CSGALNACT1: variants seen among roughly 807,000 people sequenced by gnomAD.
CSGALNACT1 encodes the protein chondroitin sulfate N-acetylgalactosaminyltransferase 1, also known as beta4GalNAcT-1.
Under a neutral mutation model 51.0 loss-of-function variants are expected in CSGALNACT1, and 52 were observed. That is an observed-to-expected ratio of 1.02 (90% CI 0.82 to 1.29). The LOEUF (loss-of-function observed/expected upper bound fraction) is 1.29, where lower values mean the gene tolerates loss of function less well. Among genes scored for constraint, CSGALNACT1 ranks in the 50% most tolerant of loss-of-function variants. CSGALNACT1 has a pLI of 0.00. For missense variants in CSGALNACT1, 935 were observed against 679.2 expected, an observed-to-expected ratio of 1.38 and a Z score of -4.19; for synonymous variants, 341 against 254.4, an observed-to-expected ratio of 1.34 and a Z score of -3.24.
intron 4 of CSGALNACT1, among the ~76,000 whole-genome samples, chr8:19,475,776 T>C (rs767582289): frequency 9.9e-5 from 15 of 152,236 alleles, no homozygotes; most frequent in Non-Finnish European, 2.1e-4. Context: ...TAAACTCCTG[T>C]GTTGTGGCAA....
chr8:19,455,102 AT>A (rs2063844395), intron 5 of CSGALNACT1, among the ~76,000 whole-genome samples: 1 of 152,222 alleles, frequency 6.6e-6, no homozygotes, highest in South Asian at 2.1e-4. Flanking sequence ...ATAAGGGTTA[AT>A]TCTAGGAGGT....
At chr8:19,542,518 A>G (rs1256057508) in intron 3 of CSGALNACT1, among the ~76,000 whole-genome samples, 1 of 151,800 alleles carries the variant, frequency 6.6e-6, no homozygotes, top group African/African-American at 2.4e-5. Flanking sequence ...TGCTGCCCCG[A>G]CTCTTTTCAA....
chr8:19,515,493 G>A (rs906623683), intron 3 of CSGALNACT1, among the ~76,000 whole-genome samples: 2 of 152,120 alleles, frequency 1.3e-5, no homozygotes, highest in South Asian at 4.1e-4. Flanking sequence ...CTCCTCGTTG[G>A]TCTTTTAAAA....
chr8:19,500,352 G>T (rs1248501702), intron 4 of CSGALNACT1, among the ~76,000 whole-genome samples: 1 of 152,084 alleles, frequency 6.6e-6, no homozygotes, highest in Non-Finnish European at 1.5e-5. Flanking sequence ...CACCACTAAG[G>T]AGAATCCCCA....
At chr8:19,456,541 T>C (rs1394703342) in intron 5 of CSGALNACT1, among the ~76,000 whole-genome samples, 3 of 152,216 alleles carry the variant, frequency 2.0e-5, no homozygotes, top group Non-Finnish European at 4.4e-5. Context: ...ATTCTGGAGA[T>C]GTAATGTTTA....
chr8:19,598,887 C>T (rs1383834947), intron 2 of CSGALNACT1, among the ~76,000 whole-genome samples: 1 of 152,214 alleles, frequency 6.6e-6, no homozygotes, highest in Non-Finnish European at 1.5e-5. Context: ...CATTCATTCA[C>T]TCGCTCATTC....
At chr8:19,627,657 G>A (rs898739454) in intron 1 of CSGALNACT1, among the ~76,000 whole-genome samples, 1 of 152,046 alleles carries the variant, frequency 6.6e-6, no homozygotes. Context: ...GACCTGTCTC[G>A]AAAAACGTAA....
At chr8:19,504,811 T>C (rs1272082297) in intron 4 of CSGALNACT1, among the ~76,000 whole-genome samples, 1 of 152,216 alleles carries the variant, frequency 6.6e-6, no homozygotes, top group East Asian at 1.9e-4. Flanking sequence ...GGCTGGCACA[T>C]GTAAGTGCAA....
chr8:19,421,316 C>A (rs2057891410), intron 6 of CSGALNACT1, among the ~76,000 whole-genome samples: 1 of 152,218 alleles, frequency 6.6e-6, no homozygotes, highest in Non-Finnish European at 1.5e-5. Context: ...GGCAGTGAAG[C>A]CAGGATGTTT....
At chr8:19,736,751 C>T (rs1004966414) in intron 1 of CSGALNACT1, among the ~76,000 whole-genome samples, 1 of 152,058 alleles carries the variant, frequency 6.6e-6, no homozygotes, top group African/African-American at 2.4e-5. Flanking sequence ...GAAATATGAA[C>T]TAGATTTAAG....
At chr8:19,481,008 G>A (rs1342199356) in intron 4 of CSGALNACT1, among the ~76,000 whole-genome samples, 1 of 152,062 alleles carries the variant, frequency 6.6e-6, no homozygotes, top group Non-Finnish European at 1.5e-5. Flanking sequence ...AATTGCATGA[G>A]GTCATCTGCC....
At chr8:19,485,094 C>T (rs1480676482) in intron 4 of CSGALNACT1, among the ~76,000 whole-genome samples, 1 of 152,176 alleles carries the variant, frequency 6.6e-6, no homozygotes, top group East Asian at 1.9e-4. Flanking sequence ...CAGCCCAAGT[C>T]ATATAATACA....
At chr8:19,717,122 G>A (rs376785327) in intron 1 of CSGALNACT1, among the ~76,000 whole-genome samples, 1 of 152,202 alleles carries the variant, frequency 6.6e-6, no homozygotes, top group African/African-American at 2.4e-5. Flanking sequence ...TTAGTTTCTT[G>A]TAAAATTATC....
chr8:19,602,812 T>C (rs2050732497), upstream of CSGALNACT1: 1 of 152,088 alleles, frequency 6.6e-6, no homozygotes, highest in South Asian at 2.1e-4. Context: ...GGGAAAATAC[T>C]CTGGAAAGGG....
chr8:19,480,584 G>A (rs1413811677), intron 4 of CSGALNACT1, among the ~76,000 whole-genome samples: 1 of 152,162 alleles, frequency 6.6e-6, no homozygotes, highest in African/African-American at 2.4e-5. Flanking sequence ...ACATATGGGT[G>A]CCTGCGTCTT....
chr8:19,671,362 T>A (rs772380168), intron 1 of CSGALNACT1, among the ~76,000 whole-genome samples: 1 of 152,202 alleles, frequency 6.6e-6, no homozygotes, highest in Non-Finnish European at 1.5e-5. Context: ...ACACGACAAA[T>A]TCACAGGCAA....
intron 1 of CSGALNACT1, among the ~76,000 whole-genome samples, chr8:19,666,352 T>G (rs960866871): frequency 3.9e-5 from 6 of 152,180 alleles, no homozygotes; most frequent in African/African-American, 1.2e-4. Flanking sequence ...AAACCCTGTC[T>G]CTTCTACTTC....
chr8:19,546,291 T>C (rs1192213735), intron 3 of CSGALNACT1, among the ~76,000 whole-genome samples: 1 of 152,208 alleles, frequency 6.6e-6, no homozygotes, highest in Non-Finnish European at 1.5e-5. Context: ...CTTTCATATA[T>C]GCCTAGAGGG....
intron 1 of CSGALNACT1, among the ~76,000 whole-genome samples, chr8:19,660,531 A>C (rs1176769309): frequency 6.6e-6 from 1 of 152,182 alleles, no homozygotes; most frequent in East Asian, 1.9e-4. Flanking sequence ...GCTTTGCCGT[A>C]GCCAGGTGAT....
Sources: allele counts gnomAD v4.1 joint callset (sites outside exome capture counted in the v4.1 genomes callset), GRCh38; gene constraint gnomAD v4.1.1; transcripts MANE v1.5; gene names NCBI Gene and HGNC (gene_info 2026-07-23, HGNC 2026-07-21).